Variants in CSMD1 observed in about 807,000 individuals in gnomAD.
CSMD1 encodes CUB and sushi domain-containing protein 1.
CSMD1 carries 213 observed loss-of-function variants against 417.5 expected under a neutral mutation model. The observed-to-expected ratio is 0.51, with a 90% confidence interval of 0.46 to 0.57. CSMD1 has a LOEUF of 0.57. Ranked by LOEUF, CSMD1 falls within the 20% of genes least tolerant of loss-of-function variation. CSMD1 has a pLI of 0.00. For missense variants in CSMD1, 6,923 were observed against 4,529.7 expected (o/e 1.53, Z -15.17); for synonymous variants, 2,862 against 1,736.8 (o/e 1.65, Z -16.11).
chr8:4,545,420 G>C lies in CSMD1; in HGVS notation c.302+91922C>G, dbSNP rs374097879. Among the ~76,000 whole-genome samples, 8 of 152,288 alleles carry C rather than the reference G, an allele frequency of 5.3e-5. No individual in the cohort carries two copies. In the South Asian group the frequency reaches 1.7e-3, roughly 32 times the overall value. On this transcript the variant is annotated intron_variant, in intron 2 of 69. Coordinates refer to ENST00000635120, the MANE Select transcript of CSMD1 (RefSeq NM_033225.6). ...ACTCAACGTCTGCCTTGATTAATAA[G>C]AGTCCTACATATTAGGAGAGAGGTA...
At chr8:4,437,514 T>C (rs1242996292) in intron 2 of CSMD1, among the ~76,000 whole-genome samples, 3 of 152,168 alleles carry the variant, frequency 2.0e-5, no homozygotes, top group African/African-American at 7.2e-5. Flanking sequence ...GCCGCGTATG[T>C]ATTTTTGTCA....
chr8:4,321,690 G>A lies in CSMD1; in HGVS notation c.415+98263C>T, dbSNP rs141407237. On this transcript the variant is annotated intron_variant, in intron 3 of 69. Coordinates refer to ENST00000635120, the MANE Select transcript of CSMD1 (RefSeq NM_033225.6). Reference sequence around the variant, plus strand: ...AGCTGTTCAACATTCCTAAGATAGTGATAGGAATCAATGTCTTTGTTGATT... The same window carrying A: ...AGCTGTTCAACATTCCTAAGATAGTAATAGGAATCAATGTCTTTGTTGATT... 3.5e-4 allele frequency among the ~76,000 whole-genome samples: 53 copies of A among 152,260 alleles called. 1 individual carries two copies. The highest frequency in any genetic ancestry group is 1.2e-3 in the African/African-American group (51 of 41,560).
In CSMD1 at chr8:4,479,879, T is replaced by C. The variant is rs111369536; in HGVS notation, c.303-59814A>G. Among the ~76,000 whole-genome samples, 1,345 of 151,800 alleles carry C rather than the reference T, an allele frequency of 8.9e-3. 15 individuals are homozygous for C. The highest frequency in any genetic ancestry group is 0.031 in the African/African-American group (1,271 of 41,378). ...TACTCGGGAGGCTGAGGCAGGAGAATTGCTTGAACCTGGGAGGCAGAGGTT... is the reference window on the plus strand; with the variant it reads ...TACTCGGGAGGCTGAGGCAGGAGAACTGCTTGAACCTGGGAGGCAGAGGTT... On this transcript the variant is annotated intron_variant, in intron 2 of 69. Transcript: ENST00000635120.
chr8:4,592,179 G>C (rs1372111079), intron 2 of CSMD1, among the ~76,000 whole-genome samples: 1 of 151,184 alleles, frequency 6.6e-6, no homozygotes, highest in Non-Finnish European at 1.5e-5. Context: ...AATACTCTCA[G>C]GGTAGATTTC....
At chr8:3,618,255 G>C (rs1324991164) in intron 7 of CSMD1, among the ~76,000 whole-genome samples, 1 of 152,114 alleles carries the variant, frequency 6.6e-6, no homozygotes, top group African/African-American at 2.4e-5. Flanking sequence ...CACTCGCACT[G>C]TGGCCTCCTA....
At chr8:4,642,174 T>A (rs1222408200) in intron 1 of CSMD1, among the ~76,000 whole-genome samples, 1 of 152,176 alleles carries the variant, frequency 6.6e-6, no homozygotes, top group Non-Finnish European at 1.5e-5. Context: ...TAGGACTACT[T>A]GTTCGGGGCC....
intron 2 of CSMD1, among the ~76,000 whole-genome samples, chr8:4,606,019 T>A (rs1425675802): frequency 1.3e-5 from 2 of 152,186 alleles, no homozygotes; most frequent in Non-Finnish European, 2.9e-5. Context: ...GACACCAAGC[T>A]GACAGGAATG....
At chr8:4,508,263 G>T (rs1802636914) in intron 2 of CSMD1, among the ~76,000 whole-genome samples, 1 of 151,186 alleles carries the variant, frequency 6.6e-6, no homozygotes, top group Non-Finnish European at 1.5e-5. Context: ...TCAGCTGTGT[G>T]TCTCACTTTG....
intron 2 of CSMD1, among the ~76,000 whole-genome samples, chr8:4,510,390 T>TAAAAAGAAA (rs1802751113): frequency 1.8e-5 from 1 of 54,618 alleles, no homozygotes; most frequent in African/African-American, 7.7e-5. Context: ...GCATAATGCC[T>TAAAAAGAAA]AAAAAAAAAA....
chr8:4,944,808 A>G (rs1044440899), intron 1 of CSMD1, among the ~76,000 whole-genome samples: 1 of 152,178 alleles, frequency 6.6e-6, no homozygotes, highest in Admixed American at 6.5e-5. Flanking sequence ...TGGGAATGCA[A>G]AATGGTGCGT....
rs1813469632 is a variant in CSMD1 at position 3,421,243 on chromosome 8, T to G, written c.1562-11638A>C. Among the ~76,000 whole-genome samples, 3 of 152,186 alleles carry G rather than the reference T, an allele frequency of 2.0e-5. No individual in the cohort carries two copies. The South Asian group carries it at 6.2e-4, about 32-fold the overall frequency. On this transcript the variant is annotated intron_variant, in intron 12 of 69. Transcript: ENST00000635120. The stretch of plus-strand genomic sequence containing the variant: ...AGAGTCATTAAAGTATAAAAGGTGG[T>G]GGTCTTCAGAGACTGGATCCAGGGA...
intron 2 of CSMD1, among the ~76,000 whole-genome samples, chr8:4,425,286 G>C (rs1190254088): frequency 6.6e-6 from 1 of 151,590 alleles, no homozygotes; most frequent in Non-Finnish European, 1.5e-5. Context: ...AGAGGTTTGG[G>C]GTAATTTAAT....
intron 26 of CSMD1, among the ~76,000 whole-genome samples, chr8:3,239,973 T>A (rs142728038): frequency 0.14 from 21,191 of 147,274 alleles, 2,030 homozygotes; most frequent in Admixed American, 0.2. Flanking sequence ...GAGCAGAAAG[T>A]ATATGTGTCA....
chr8:4,713,104 A>T (rs994688362), intron 1 of CSMD1, among the ~76,000 whole-genome samples: 1 of 152,228 alleles, frequency 6.6e-6, no homozygotes, highest in Non-Finnish European at 1.5e-5. Flanking sequence ...CATTAAAGTC[A>T]TTCATTTGAG....
intron 5 of CSMD1, among the ~76,000 whole-genome samples, chr8:3,934,481 G>C (rs1298942287): frequency 1.3e-5 from 2 of 152,036 alleles, no homozygotes; most frequent in African/African-American, 4.8e-5. Context: ...TTTTTCTGAA[G>C]TATTTTTAAT....
chr8:4,406,181 G>T (rs557151734), intron 3 of CSMD1, among the ~76,000 whole-genome samples: 1 of 152,158 alleles, frequency 6.6e-6, no homozygotes, highest in Non-Finnish European at 1.5e-5. Context: ...TGCTGAGTAG[G>T]ATTTTTCCAC....
At chr8:4,033,282 TAC>T (rs1344991396) in intron 3 of CSMD1, among the ~76,000 whole-genome samples, 3 of 150,752 alleles carry the variant, frequency 2.0e-5, no homozygotes, top group African/African-American at 7.3e-5. Context: ...CTACTAAAAA[TAC>T]AAAAAAAATT....
intron 20 of CSMD1, 86 bp from the exon 21 acceptor site, chr8:3,359,426 TAAAAAA>T: frequency 1.9e-6 from 1 of 515,154 alleles, no homozygotes; most frequent in Non-Finnish European, 3.0e-6. Context: ...GTGCTATTAC[TAAAAAA>T]AAAAAAAAAA....
chr8:4,030,959 A>G (rs1346894020), intron 4 of CSMD1, among the ~76,000 whole-genome samples: 1 of 152,188 alleles, frequency 6.6e-6, no homozygotes, highest in Admixed American at 6.5e-5. Context: ...ACGTAACAAG[A>G]ATCACCTTTG....
Sources: gnomAD v4.1 joint callset for allele counts (sites outside exome capture counted in the v4.1 genomes callset) on GRCh38, gnomAD v4.1.1 for gene constraint, MANE v1.5 for transcripts, NCBI Gene and HGNC (gene_info 2026-07-23, HGNC 2026-07-21) for gene names.